DLST: variants seen among roughly 807,000 people sequenced by gnomAD.
DLST encodes dihydrolipoyllysine-residue succinyltransferase component of 2-oxoglutarate dehydrogenase complex, mitochondrial.
DLST carries 17 observed loss-of-function variants against 53.1 expected under a neutral mutation model. The observed-to-expected ratio is 0.32, with a 90% CI of 0.22 to 0.48. The LOEUF is 0.48. Among genes scored for constraint, DLST ranks in the 20% least tolerant of loss-of-function variants. DLST has a pLI of 0.99. For missense variants in DLST, 512 were observed against 583.9 expected, an observed-to-expected ratio of 0.88 and a Z score of 1.27; for synonymous variants, 206 against 204.8, an observed-to-expected ratio of 1.01 and a Z score of -0.05.
At chr14:74,897,938 G>T (rs79538943) in intron 10 of DLST, among the ~76,000 whole-genome samples, 5,116 of 136,922 alleles carry the variant, frequency 0.037, 105 homozygotes, top group South Asian at 0.073. Context: ...ATTTGGTGGG[G>T]TTTTTTTTTT....
At chr14:74,896,248 A>G (rs1314316213) in intron 10 of DLST, among the ~76,000 whole-genome samples, 1 of 152,242 alleles carries the variant, frequency 6.6e-6, no homozygotes, top group Admixed American at 6.5e-5. Flanking sequence ...AGTGTAGACC[A>G]TGAGATGGGA....
At chr14:74,897,853 T>C (rs778861242) in intron 10 of DLST, among the ~76,000 whole-genome samples, 1 of 152,028 alleles carries the variant, frequency 6.6e-6, no homozygotes, top group Non-Finnish European at 1.5e-5. Flanking sequence ...TGGAGCCTCA[T>C]GTACCCATGA....
chr14:74,884,793 G>A (rs1360352398), intron 2 of DLST, among the ~76,000 whole-genome samples: 1 of 152,118 alleles, frequency 6.6e-6, no homozygotes, highest in Admixed American at 6.5e-5. Context: ...CATAAGAGAG[G>A]GCTAGCTCTC....
chr14:74,888,441 G>T lies in DLST; in HGVS notation c.147-654G>T, dbSNP rs1594873558. 2.0e-5 allele frequency among the ~76,000 whole-genome samples: 3 copies of T among 152,074 alleles called. No individual in the cohort carries two copies. In the South Asian group the frequency reaches 6.2e-4, roughly 31 times the overall value. ...AGGCCGTAAATCTATCTCGGATTTA[G>T]TTAAGGAAGAGACCTGGCTGGACAT... On this transcript the variant is annotated intron_variant, in intron 3 of 14. Transcript: ENST00000334220.
Position 74,900,291 on chromosome 14 carries a change from T to C in DLST, c.978T>C (p.Gly326=), listed in dbSNP as rs1187218002. Residue 326 remains glycine, a splice_region_variant and synonymous_variant, in exon 13 of 15, where the codon GGT becomes GGC. Transcript: ENST00000334220. ...DISVAVATPR[G]LVVPVIRNVE... is the part of the protein sequence containing the mutation. The stretch of plus-strand genomic sequence containing the variant: ...AAACAGCTTTTCACCCCCTTCAGGG[T>C]CTGGTGGTTCCAGTCATCAGGAATG... 1.2e-6 allele frequency: 2 copies of C among 1,613,896 alleles called. No individual in the cohort carries two copies. The highest frequency in any genetic ancestry group is 2.7e-5 in the African/African-American group (2 of 75,014).
chr14:74,889,291 A>G lies in DLST; in HGVS notation c.216A>G (p.Thr72=). 1.2e-6 allele frequency: 2 copies of G among 1,612,806 alleles called. No individual in the cohort carries two copies. The highest frequency in any genetic ancestry group is 1.7e-5 in the Admixed American group (1 of 59,928). ...TTAVCKDDLV[T]VKTPAFAESV... ...TTTTCCTAGAGGATGACTTGGTTACAGTCAAAACCCCAGCGTTTGCAGAAT... is the reference window on the plus strand; with the variant it reads ...TTTTCCTAGAGGATGACTTGGTTACGGTCAAAACCCCAGCGTTTGCAGAAT... The change falls in exon 5 of 15, where the codon ACA becomes ACG. Residue 72 remains threonine, a synonymous_variant. Transcript: ENST00000334220.
rs140682672 is a variant in DLST, at chr14:74,891,910, G to A, written c.442+743G>A. ...GTATGGTAGAAGGCTGGGAAATAAG[G>A]TAGTCCTCCTGTTGCAGAAGTTTGT... On this transcript the variant is annotated intron_variant, in intron 7 of 14. Coordinates refer to ENST00000334220, the MANE Select transcript of DLST (RefSeq NM_001933.5). The A allele has an allele frequency of 6.0e-5, 58 of 965,708 alleles. No individual in the cohort carries two copies. The African/African-American group carries it at 7.9e-4, about 13-fold the overall frequency. 59.8% of individuals were successfully genotyped at this position (965,708 alleles called of 1,614,324 possible).
At chr14:74,888,435 G>T (rs1319319625) in intron 3 of DLST, among the ~76,000 whole-genome samples, 1 of 151,960 alleles carries the variant, frequency 6.6e-6, no homozygotes, top group East Asian at 1.9e-4. Context: ...ATCTATCTCG[G>T]ATTTAGTTAA....
intron 10 of DLST, among the ~76,000 whole-genome samples, chr14:74,895,252 G>A (rs530905075): frequency 6.6e-6 from 1 of 152,266 alleles, no homozygotes; most frequent in South Asian, 2.1e-4. Flanking sequence ...ACAGTGAAAT[G>A]GAAAACAAGT....
At position 74,889,116 on chromosome 14, in the gene DLST, T is replaced by G. The variant is rs761093767; in HGVS notation, c.168T>G (p.Ser56Arg). Residue 56 changes from serine to arginine, a missense_variant, in exon 4 of 15, where the codon AGT becomes AGG. Coordinates refer to ENST00000334220, the MANE Select transcript of DLST (RefSeq NM_001933.5). ...RKVVINNSVF[S>R]VRFFRTTAVC... ...GTAGCATTAACAACAGTGTCTTCAG[T>G]GTTCGCTTTTTCAGAACTACAGCTG... 1.2e-6 allele frequency: 2 copies of G among 1,614,098 alleles called. No homozygotes were observed. The highest frequency in any genetic ancestry group is 2.2e-5 in the South Asian group (2 of 91,088).
chr14:74,890,713 C>CGCTGTT (rs1042982356), intron 6 of DLST, among the ~76,000 whole-genome samples: 18 of 152,154 alleles, frequency 1.2e-4, no homozygotes, highest in African/African-American at 4.3e-4. Context: ...ACTGGAGATA[C>CGCTGTT]GCTGTTGTTG....
chr14:74,893,110 T>C (rs1594877473), intron 8 of DLST, 124 bp downstream of exon 8: 2 of 1,273,818 alleles, frequency 1.6e-6, no homozygotes, highest in East Asian at 5.1e-5. Flanking sequence ...TAGAAAGAAT[T>C]CTAGACTTTG....
chr14:74,890,969 T>C, intron 6 of DLST, 87 bp from the exon 7 acceptor site: 1 of 1,513,610 alleles, frequency 6.6e-7, no homozygotes, highest in Non-Finnish European at 8.9e-7. Context: ...TGAGCCACTG[T>C]GCCTGGCTTC....
intron 5 of DLST, 98 bp downstream of exon 5, chr14:74,889,447 C>T (rs1883825690): frequency 2.1e-6 from 2 of 956,254 alleles, no homozygotes; most frequent in Admixed American, 5.4e-5. Flanking sequence ...CGGCTCACTG[C>T]AGCCTCTGCC....
In DLST at chr14:74,901,011, T is replaced by G. The variant is rs1392086710; in HGVS notation, c.1060-55T>G. Reference sequence around the variant, plus strand: ...AAAGCGCTGGGATTATGGACTGACTTTAGGTGAAGGAAACTGGGTTGGCTT... The same window carrying G: ...AAAGCGCTGGGATTATGGACTGACTGTAGGTGAAGGAAACTGGGTTGGCTT... On this transcript the variant is annotated intron_variant, in intron 13 of 14. Coordinates refer to ENST00000334220, the MANE Select transcript of DLST (RefSeq NM_001933.5). 34 of 1,587,374 alleles carry G rather than the reference T, an allele frequency of 2.1e-5. No homozygotes were observed. The East Asian group carries it at 2.5e-4, about 11-fold the overall frequency.
chr14:74,882,511 C>T (rs1366004955), intron 1 of DLST, 80 bp from the exon 2 acceptor site: 2 of 1,445,964 alleles, frequency 1.4e-6, no homozygotes, highest in Non-Finnish European at 1.9e-6. Flanking sequence ...ACTGGGACAG[C>T]TTTGAGCGTG....
Position 74,902,643 on chromosome 14 carries a change from T to C in DLST, c.*313T>C, listed in dbSNP as rs709888. ...GCTCTCTGCAAAGATGATTTTGCTT[T>C]TCCCTAGTGCTGGTATACTATAGAG... On this transcript the variant is annotated 3_prime_UTR_variant, in exon 15 of 15. Coordinates refer to ENST00000334220, the MANE Select transcript of DLST (RefSeq NM_001933.5). The C allele has an allele frequency of 0.3, 64,144 of 215,148 alleles. 11,420 individuals carry two copies. The highest frequency in any genetic ancestry group is 0.53 in the African/African-American group (23,333 of 44,064). The allele number at this position is 215,148 out of a possible 1,614,324, so 13.3% of individuals were successfully genotyped here.
At chr14:74,902,114 C>G in intron 14 of DLST, 82 bp from the exon 15 acceptor site, 9 of 1,397,318 alleles carry the variant, frequency 6.4e-6, no homozygotes, top group Non-Finnish European at 8.5e-6. Flanking sequence ...TAGGAACTTT[C>G]TTATGGGCTG....
In DLST at chr14:74,881,970, G is replaced by T; in HGVS notation, c.17G>T (p.Arg6Leu). ...TCCGCCGTGATGCTGTCCCGATCCC[G>T]CTGTGTGTCTCGGGCGTTCAGCCGC... The part of the protein sequence containing the change: MLSRS[R>L]CVSRAFSRSL... Residue 6 changes from arginine to leucine, a missense_variant, in exon 1 of 15, where the codon CGC (arginine) becomes CTC (leucine). Physicochemically the swap from Arg to Leu is moderately radical, Grantham distance 102 (BLOSUM62 -2). Transcript: ENST00000334220. 1 of 1,569,988 alleles carries T rather than the reference G, an allele frequency of 6.4e-7. No homozygotes were observed. The highest frequency in any genetic ancestry group is 8.6e-7 in the Non-Finnish European group (1 of 1,165,766).
Sources: allele counts gnomAD v4.1 joint callset (sites outside exome capture counted in the v4.1 genomes callset), GRCh38; gene constraint gnomAD v4.1.1; transcripts MANE v1.5; gene names NCBI Gene and HGNC (gene_info 2026-07-23, HGNC 2026-07-21).